The following RMST variants were observed in gnomAD, a reference collection of about 807,000 sequenced individuals.
RMST encodes the protein rhabdomyosarcoma 2 associated transcript.
At chr12:97,546,570 A>C (rs2136637265) in intron 11 of RMST, among the ~76,000 whole-genome samples, 1 of 152,252 alleles carries the variant, frequency 6.6e-6, no homozygotes, top group South Asian at 2.1e-4. Context: ...TGACAGAACA[A>C]GACTCCATCT....
At chr12:97,516,702 G>A (rs895434953) in intron 10 of RMST, among the ~76,000 whole-genome samples, 1 of 151,690 alleles carries the variant, frequency 6.6e-6, no homozygotes, top group African/African-American at 2.4e-5. Flanking sequence ...AAAGTTCAAA[G>A]AACTTTTCTG....
At chr12:97,529,084 A>G (rs1218644721) in intron 10 of RMST, among the ~76,000 whole-genome samples, 1 of 152,044 alleles carries the variant, frequency 6.6e-6, no homozygotes, top group African/African-American at 2.4e-5. Flanking sequence ...ATAGATATAG[A>G]TATATAATTT....
chr12:97,509,200 G>A (rs1172583549), intron 10 of RMST, among the ~76,000 whole-genome samples: 2 of 152,132 alleles, frequency 1.3e-5, no homozygotes, highest in Non-Finnish European at 2.9e-5. Flanking sequence ...CTTTAGAAAG[G>A]GAGCATTATC....
chr12:97,511,030 T>A (rs1453264864), intron 10 of RMST, among the ~76,000 whole-genome samples: 3 of 152,222 alleles, frequency 2.0e-5, no homozygotes, highest in African/African-American at 7.2e-5. Flanking sequence ...TGACTTAAAT[T>A]TCGAAGTTGA....
At chr12:97,487,084 T>C (rs968248464) in intron 5 of RMST, among the ~76,000 whole-genome samples, 1 of 152,190 alleles carries the variant, frequency 6.6e-6, no homozygotes, top group Admixed American at 6.5e-5. Context: ...ACAATCAAGG[T>C]TTCCTAAGAA....
chr12:97,523,948 T>C (rs12811697), intron 10 of RMST, among the ~76,000 whole-genome samples: 11,975 of 151,350 alleles, frequency 0.079, 987 homozygotes, highest in Admixed American at 0.24. Context: ...TGGTGGTGCG[T>C]GCCTGTAGTC....
intron 11 of RMST, among the ~76,000 whole-genome samples, chr12:97,534,194 A>G (rs1453220264): frequency 6.6e-6 from 1 of 151,400 alleles, no homozygotes; most frequent in Non-Finnish European, 1.5e-5. Flanking sequence ...TATCAGCTTT[A>G]GCTTCAGTAC....
At chr12:97,468,756 G>A (rs1873520386) in intron 5 of RMST, among the ~76,000 whole-genome samples, 1 of 151,876 alleles carries the variant, frequency 6.6e-6, no homozygotes, top group African/African-American at 2.4e-5. Flanking sequence ...ATTTAAAGAA[G>A]AATTCAATTT....
chr12:97,559,719 C>T (rs983784365), intron 11 of RMST, among the ~76,000 whole-genome samples: 1 of 152,192 alleles, frequency 6.6e-6, no homozygotes, highest in Non-Finnish European at 1.5e-5. Context: ...TATGCTTTAT[C>T]ACAGTGTTTC....
intron 11 of RMST, among the ~76,000 whole-genome samples, chr12:97,544,690 T>C (rs1882804804): frequency 6.6e-6 from 1 of 152,098 alleles, no homozygotes; most frequent in Admixed American, 6.6e-5. Flanking sequence ...TTTTATCAAC[T>C]AATTTCTCTG....
chr12:97,564,765 C>A (rs952933777), exon 14 of RMST: 2 of 152,164 alleles, frequency 1.3e-5, no homozygotes, highest in Non-Finnish European at 2.9e-5. Context: ...CACCTTGGAT[C>A]TAAGCAGCAC....
chr12:97,478,964 C>T (rs1874884843), intron 5 of RMST, among the ~76,000 whole-genome samples: 1 of 151,996 alleles, frequency 6.6e-6, no homozygotes, highest in Non-Finnish European at 1.5e-5. Context: ...ACTCGGGCAC[C>T]AGTGCTCCGT....
chr12:97,505,833 A>G (rs1259223071), intron 10 of RMST, among the ~76,000 whole-genome samples: 1 of 152,232 alleles, frequency 6.6e-6, no homozygotes, highest in Non-Finnish European at 1.5e-5. Flanking sequence ...TACCAAAAAA[A>G]TTCAAGATTT....
intron 10 of RMST, among the ~76,000 whole-genome samples, chr12:97,513,935 G>A (rs1234070744): frequency 2.0e-5 from 3 of 152,104 alleles, no homozygotes; most frequent in Non-Finnish European, 4.4e-5. Flanking sequence ...GGCAACAGAT[G>A]GAGTTTACTT....
intron 5 of RMST, among the ~76,000 whole-genome samples, chr12:97,480,078 T>G (rs1207244082): frequency 1.8e-5 from 2 of 110,892 alleles, no homozygotes; most frequent in African/African-American, 3.4e-5. Context: ...TTTTCTTTTC[T>G]TTTCTTTTTT....
intron 5 of RMST, among the ~76,000 whole-genome samples, chr12:97,491,323 G>C: frequency 6.6e-6 from 1 of 152,174 alleles, no homozygotes; most frequent in Non-Finnish European, 1.5e-5. Flanking sequence ...TTTCATGGCT[G>C]TTAGTAGAAC....
At chr12:97,487,220 C>T (rs762912093) in intron 5 of RMST, among the ~76,000 whole-genome samples, 9 of 151,990 alleles carry the variant, frequency 5.9e-5, no homozygotes, top group Non-Finnish European at 1.0e-4. Context: ...CTTTAAGAAC[C>T]AAATCACCTG....
chr12:97,512,174 G>T (rs181535159), intron 10 of RMST, among the ~76,000 whole-genome samples: 2 of 152,016 alleles, frequency 1.3e-5, no homozygotes, highest in African/African-American at 4.8e-5. Context: ...GCAGACTTTC[G>T]CAGCGAGTGT....
chr12:97,512,306 G>A lies in RMST; in HGVS notation n.1340+16250G>A, dbSNP rs543127969. On this transcript the variant is annotated intron_variant and non_coding_transcript_variant, in intron 10 of 13. Transcript: ENST00000640149. ...CTCATAAAGGCAGTGGGGACCCAAA[G>A]AGTGAGCAGCAGCAAGATTTATTGC... 7.9e-5 allele frequency among the ~76,000 whole-genome samples: 12 copies of A among 152,308 alleles called. No individual in the cohort carries two copies. The South Asian group carries it at 8.3e-4, about 11-fold the overall frequency.
Sources: allele counts gnomAD v4.1 joint callset (sites outside exome capture counted in the v4.1 genomes callset), GRCh38; gene constraint gnomAD v4.1.1; transcripts MANE v1.5; gene names NCBI Gene and HGNC (gene_info 2026-07-23, HGNC 2026-07-21).